ZFHX3: variants seen among roughly 807,000 people sequenced by gnomAD.
ZFHX3 encodes the protein zinc finger homeobox protein 3.
In ZFHX3, 42 loss-of-function variants were observed where a neutral mutation model predicts 279.1. That is an observed-to-expected ratio of 0.15 (90% CI 0.12 to 0.19). The LOEUF (loss-of-function observed/expected upper bound fraction) is 0.19, where lower values mean the gene tolerates loss of function less well. Ranked by LOEUF, ZFHX3 falls within the 10% of genes least tolerant of loss-of-function variation. The pLI is 1.00. For missense variants in ZFHX3, 4,981 were observed against 4,754.0 expected, an observed-to-expected ratio of 1.05 and a Z score of -1.40; for synonymous variants, 2,293 against 1,957.8, an observed-to-expected ratio of 1.17 and a Z score of -4.52.
chr16:73,036,168 C>T (rs537291203), intron 1 of ZFHX3, among the ~76,000 whole-genome samples: 1 of 152,284 alleles, frequency 6.6e-6, no homozygotes, highest in East Asian at 1.9e-4. Flanking sequence ...TCTCTCTCTA[C>T]AACTGGGGAG....
intron 7 of ZFHX3, among the ~76,000 whole-genome samples, chr16:73,121,104 C>G (rs1966493784): frequency 6.6e-6 from 1 of 152,158 alleles, no homozygotes; most frequent in African/African-American, 2.4e-5. Flanking sequence ...TATTTCATCA[C>G]AATTAATTTA....
Position 72,980,603 on chromosome 16 carries a change from T to TA in ZFHX3, c.-49-20410dup, listed in dbSNP as rs112283136. 7.6e-3 allele frequency among the ~76,000 whole-genome samples: 960 copies of TA among 126,850 alleles called. 9 individuals are homozygous for TA. The highest frequency in any genetic ancestry group is 0.01 in the Non-Finnish European group (603 of 58,944). The allele number at this position is 126,850 out of a possible 152,430, so 83.2% of individuals were successfully genotyped here. On this transcript the variant is annotated intron_variant, in intron 1 of 9. Transcript: ENST00000268489. ...GTGAAACCCCATCACTACCAAAAGT[T>TA]AAAAAAAAAAAAACAAAAACAGCTG...
chr16:73,686,960 C>T (rs1023805046), intron 1 of ZFHX3, among the ~76,000 whole-genome samples: 5 of 137,844 alleles, frequency 3.6e-5, no homozygotes, highest in South Asian at 2.3e-4. Flanking sequence ...AGAGCTTAAC[C>T]GGTAGCACCA....
intron 2 of ZFHX3, among the ~76,000 whole-genome samples, chr16:73,478,283 A>G (rs1234071088): frequency 6.7e-6 from 1 of 150,094 alleles, no homozygotes; most frequent in East Asian, 2.0e-4. Context: ...AAAAAAAAAA[A>G]AAGTCAGAAT....
chr16:73,669,381 G>A (rs536992451), intron 2 of ZFHX3, among the ~76,000 whole-genome samples: 25 of 152,100 alleles, frequency 1.6e-4, no homozygotes, highest in Non-Finnish European at 2.5e-4. Flanking sequence ...ATGTGGATCT[G>A]GTTTAACTGA....
chr16:72,846,977 G>C (rs901109647), intron 4 of ZFHX3, among the ~76,000 whole-genome samples: 2 of 152,310 alleles, frequency 1.3e-5, no homozygotes, highest in African/African-American at 4.8e-5. Flanking sequence ...CTCTCCCTGA[G>C]AAGAGGACAG....
intron 7 of ZFHX3, among the ~76,000 whole-genome samples, chr16:73,096,039 A>C (rs892109699): frequency 4.6e-5 from 7 of 152,264 alleles, no homozygotes; most frequent in Non-Finnish European, 1.0e-4. Context: ...TGATTGAGCC[A>C]AGGGTGGAGA....
chr16:73,494,724 T>A (rs1407941045), intron 2 of ZFHX3, among the ~76,000 whole-genome samples: 3 of 129,952 alleles, frequency 2.3e-5, no homozygotes. Flanking sequence ...CATGACCGGC[T>A]AATTTTTTTT....
intron 7 of ZFHX3, among the ~76,000 whole-genome samples, chr16:73,125,504 G>C (rs1373639567): frequency 6.6e-6 from 1 of 152,048 alleles, no homozygotes; most frequent in Admixed American, 6.6e-5. Flanking sequence ...TTGAGTCAAT[G>C]GGCTGGGAAA....
Position 72,836,392 on chromosome 16 carries a change from T to C in ZFHX3, c.3449-6533A>G, listed in dbSNP as rs538903657. On this transcript the variant is annotated intron_variant, in intron 4 of 9. Coordinates refer to ENST00000268489, the MANE Select transcript of ZFHX3 (RefSeq NM_006885.4). ...ATATTTACTCCCTGGTTTTATTCCA[T>C]GGTGTTCTTCCAGCCCTGACAACCT... Among the ~76,000 whole-genome samples the C allele has an allele frequency of 2.0e-5, 3 of 152,352 alleles. No individual in the cohort carries two copies. The East Asian group carries it at 5.8e-4, about 29-fold the overall frequency.
upstream of ZFHX3, among the ~76,000 whole-genome samples, chr16:73,049,119 T>C (rs974810329): frequency 2.6e-5 from 4 of 152,128 alleles, no homozygotes; most frequent in African/African-American, 9.7e-5. Flanking sequence ...GCTGGGCGCC[T>C]TCTATCTCCC....
chr16:73,777,240 A>G (rs2142298821), intron 1 of ZFHX3, among the ~76,000 whole-genome samples: 1 of 152,292 alleles, frequency 6.6e-6, no homozygotes, highest in South Asian at 2.1e-4. Context: ...ACGGTGGCTC[A>G]TGCCTGTAAT....
At chr16:73,730,366 A>AAG (rs2142248372) in intron 1 of ZFHX3, among the ~76,000 whole-genome samples, 1 of 151,340 alleles carries the variant, frequency 6.6e-6, no homozygotes, top group African/African-American at 2.4e-5. Context: ...AAAAAAAAAA[A>AAG]AAAAAAAAAG....
chr16:73,328,877 C>T (rs1352711289), intron 3 of ZFHX3, among the ~76,000 whole-genome samples: 1 of 152,200 alleles, frequency 6.6e-6, no homozygotes, highest in Non-Finnish European at 1.5e-5. Context: ...CTGATCTGTG[C>T]AAAACCCATC....
rs1406978732 is a variant in ZFHX3, at chr16:72,787,727, C to T, written c.10549G>A (p.Gly3517Ser). Residue 3517 changes from glycine (G) to serine (S), a missense_variant, in exon 10 of 10, where the codon GGC becomes AGC. Physicochemically the swap from Gly to Ser is moderately conservative, Grantham distance 56. This residue lies in a region of ZFHX3 where 1,034 missense variants were observed against 786.0 expected (regional missense o/e 1.32). Coordinates refer to ENST00000268489, the MANE Select transcript of ZFHX3 (RefSeq NM_006885.4). Reference sequence around the variant, plus strand: ...CCGCCGCCGCCGCCGCCACCGCCGCCGCCGCCGCCACTGCCACCGCCGCCG... The same window carrying T: ...CCGCCGCCGCCGCCGCCACCGCCGCTGCCGCCGCCACTGCCACCGCCGCCG... ...GGGGGGSGGG[G>S]GGGGGGGGGG... 7.1e-7 allele frequency: 1 copy of T among 1,398,702 alleles called. No individual in the cohort carries two copies. The highest frequency in any genetic ancestry group is 1.5e-5 in the African/African-American group (1 of 67,028). 86.6% of individuals were successfully genotyped at this position (1,398,702 alleles called of 1,614,324 possible). A position where few individuals can be genotyped will look rare whatever the true frequency, so the allele number is the denominator to read the frequency against.
intron 2 of ZFHX3, among the ~76,000 whole-genome samples, chr16:73,622,271 A>T (rs2052370431): frequency 6.6e-6 from 1 of 152,172 alleles, no homozygotes; most frequent in African/African-American, 2.4e-5. Flanking sequence ...TAAGAAAGGA[A>T]TATGGGGCCG....
intron 3 of ZFHX3, among the ~76,000 whole-genome samples, chr16:73,390,718 G>A (rs2143396590): frequency 6.6e-6 from 1 of 152,116 alleles, no homozygotes; most frequent in African/African-American, 2.4e-5. Flanking sequence ...GCATTTGGTG[G>A]GAACAATGGA....
intron 2 of ZFHX3, among the ~76,000 whole-genome samples, chr16:73,493,415 C>T (rs1171854279): frequency 6.6e-6 from 1 of 152,180 alleles, no homozygotes; most frequent in East Asian, 1.9e-4. Flanking sequence ...TCACATAATA[C>T]ACTGAAAGAA....
At chr16:73,394,484 A>C (rs2017087535) in intron 3 of ZFHX3, among the ~76,000 whole-genome samples, 1 of 151,970 alleles carries the variant, frequency 6.6e-6, no homozygotes, top group South Asian at 2.1e-4. Flanking sequence ...TTCAGTAGAG[A>C]TGGGGTATCA....
Sources: allele counts gnomAD v4.1 joint callset (sites outside exome capture counted in the v4.1 genomes callset), GRCh38; gene constraint gnomAD v4.1.1; regional missense constraint gnomAD v4.1.1; transcripts MANE v1.5; gene names NCBI Gene and HGNC (gene_info 2026-07-23, HGNC 2026-07-21).